The following LANCL3 variants were observed in gnomAD, a reference collection of about 807,000 sequenced individuals.
LANCL3 encodes the protein lanC-like protein 3.
Under a neutral mutation model 26.5 loss-of-function variants are expected in LANCL3, and 19 were observed. That is an observed-to-expected ratio of 0.72 (90% CI 0.50 to 1.05). The LOEUF is 1.05. LANCL3 is among the 50% of genes least tolerant of loss of function. LANCL3 has a pLI of 0.00. For missense variants in LANCL3, 318 were observed against 362.7 expected (o/e 0.88, Z 1.00); for synonymous variants, 160 against 166.6 (o/e 0.96, Z 0.30).
At chrX:37,604,658 G>A (rs1408567106) in intron 1 of LANCL3, among the ~76,000 whole-genome samples, 1 of 112,014 alleles carries the variant, frequency 8.9e-6, no homozygotes, top group Non-Finnish European at 1.9e-5. Context: ...ATTGACTGGT[G>A]TGACAGGGGT....
In LANCL3 at chrX:37,672,136, G is replaced by A. The variant is rs1926698123; in HGVS notation, c.1104-3518G>A. Among the ~76,000 whole-genome samples, 7 of 111,547 alleles carry A rather than the reference G, an allele frequency of 6.3e-5. No individual in the cohort carries two copies. The Admixed American group carries it at 6.7e-4, about 11-fold the overall frequency. ...TTAATTTTTTAAAATTTGTGTAAATGTATGGGATTCAAGTTTAATTTTGTT... is the reference window on the plus strand; with the variant it reads ...TTAATTTTTTAAAATTTGTGTAAATATATGGGATTCAAGTTTAATTTTGTT... On this transcript the variant is annotated intron_variant, in intron 4 of 4. Transcript: ENST00000378619.
At chrX:37,609,772 T>C (rs1489490876) in intron 1 of LANCL3, among the ~76,000 whole-genome samples, 2 of 111,604 alleles carry the variant, frequency 1.8e-5, no homozygotes, top group African/African-American at 6.5e-5. Context: ...TGAAAGCTCT[T>C]GCAGTTGGTG....
intron 4 of LANCL3, 129 bp downstream of exon 4, chrX:37,667,618 C>A: frequency 4.6e-6 from 2 of 431,806 alleles, no homozygotes. Context: ...TGTAGCCATG[C>A]AGTTGACTTC....
At position 37,675,900 on chromosome X, in the gene LANCL3, C is replaced by A; in HGVS notation, c.*87C>A. The A allele has an allele frequency of 1.4e-6, 1 of 717,398 alleles. No homozygotes were observed. The highest frequency in any genetic ancestry group is 1.9e-6 in the Non-Finnish European group (1 of 528,050). 59.1% of individuals were successfully genotyped at this position (717,398 alleles called of 1,213,427 possible). A position where few individuals can be genotyped will look rare whatever the true frequency, so the allele number is the denominator to read the frequency against. Reference sequence around the variant, plus strand: ...ACATAAGCCACATTCAATGGTATCGCAACCATGAGCCTTAACATTGCCATC... The same window carrying A: ...ACATAAGCCACATTCAATGGTATCGAAACCATGAGCCTTAACATTGCCATC... On this transcript the variant is annotated 3_prime_UTR_variant, in exon 5 of 5. Coordinates refer to ENST00000378619, the MANE Select transcript of LANCL3 (RefSeq NM_001170331.2).
At chrX:37,675,585 A>T (rs1926778585) in intron 4 of LANCL3, 69 bp from the exon 5 acceptor site, 1 of 583,727 alleles carries the variant, frequency 1.7e-6, no homozygotes, top group African/African-American at 2.3e-5. Flanking sequence ...TAGAAGAGGA[A>T]GAAGCAACCC....
intron 3 of LANCL3, among the ~76,000 whole-genome samples, chrX:37,663,730 C>G (rs1007882541): frequency 7.2e-5 from 8 of 111,202 alleles, no homozygotes; most frequent in African/African-American, 2.6e-4. Context: ...ACACCTAGAG[C>G]CTGAGAGAGG....
chrX:37,676,329 T>C lies in LANCL3; in HGVS notation c.*516T>C, dbSNP rs1194168143. 1.8e-5 allele frequency: 2 copies of C among 112,348 alleles called. No homozygotes were observed. The highest frequency in any genetic ancestry group is 9.5e-5 in the Admixed American group (1 of 10,579). The allele number at this position is 112,348 out of a possible 1,213,427, so 9.3% of individuals were successfully genotyped here. The stretch of plus-strand genomic sequence containing the variant: ...CTTGGTTGTCCTGTGCTTATACTTA[T>C]TGAAATTTATGGTTTTTACTGAGCA... On this transcript the variant is annotated 3_prime_UTR_variant, in exon 5 of 5. Coordinates refer to ENST00000378619, the MANE Select transcript of LANCL3 (RefSeq NM_001170331.2).
chrX:37,592,908 A>G (rs1556419154), intron 1 of LANCL3, among the ~76,000 whole-genome samples: 1 of 111,791 alleles, frequency 8.9e-6, no homozygotes, highest in African/African-American at 3.3e-5. Flanking sequence ...GTCTCTAAAA[A>G]TTTCCAAAAA....
At chrX:37,591,011 C>A (rs1924256450) in intron 1 of LANCL3, among the ~76,000 whole-genome samples, 1 of 111,879 alleles carries the variant, frequency 8.9e-6, no homozygotes, top group Admixed American at 9.5e-5. Flanking sequence ...TAGGTGAGGG[C>A]ATATGGCAGC....
At chrX:37,612,549 C>T (rs1309459161) in intron 1 of LANCL3, among the ~76,000 whole-genome samples, 2 of 112,470 alleles carry the variant, frequency 1.8e-5, no homozygotes, top group African/African-American at 6.5e-5. Flanking sequence ...AAAGTTAACA[C>T]TTGATGTATT....
At chrX:37,618,245 G>T (rs1925061969) in intron 1 of LANCL3, among the ~76,000 whole-genome samples, 1 of 112,278 alleles carries the variant, frequency 8.9e-6, no homozygotes, top group Admixed American at 9.4e-5. Context: ...CGTTTTTGTG[G>T]TGTTGCTTTT....
At chrX:37,603,789 C>T (rs1273020285) in intron 1 of LANCL3, among the ~76,000 whole-genome samples, 1 of 111,729 alleles carries the variant, frequency 9.0e-6, no homozygotes, top group Non-Finnish European at 1.9e-5. Flanking sequence ...AAAAAGGTGG[C>T]GGGGATAGGG....
Position 37,675,909 on chromosome X carries a change from G to A in LANCL3, c.*96G>A. The A allele has an allele frequency of 1.5e-6, 1 of 656,055 alleles. No homozygotes were observed. The highest frequency in any genetic ancestry group is 2.1e-6 in the Non-Finnish European group (1 of 477,026). The allele number at this position is 656,055 out of a possible 1,213,427, so 54.1% of individuals were successfully genotyped here. On this transcript the variant is annotated 3_prime_UTR_variant, in exon 5 of 5. Coordinates refer to ENST00000378619, the MANE Select transcript of LANCL3 (RefSeq NM_001170331.2). ...ACATTCAATGGTATCGCAACCATGAGCCTTAACATTGCCATCAGAAGGAAG... is the reference window on the plus strand; with the variant it reads ...ACATTCAATGGTATCGCAACCATGAACCTTAACATTGCCATCAGAAGGAAG...
chrX:37,666,423 A>T (rs1337245758), intron 3 of LANCL3, among the ~76,000 whole-genome samples: 2 of 112,090 alleles, frequency 1.8e-5, no homozygotes, highest in Non-Finnish European at 3.8e-5. Context: ...AGAGTTGTAA[A>T]ATAGCCTAGT....
At chrX:37,582,088 A>G (rs1373846649) in intron 1 of LANCL3, among the ~76,000 whole-genome samples, 1 of 111,575 alleles carries the variant, frequency 9.0e-6, no homozygotes, top group Non-Finnish European at 1.9e-5. Context: ...AGCTTCATCC[A>G]TGTCCCTACA....
At chrX:37,643,612 G>T (rs1925921748) in intron 1 of LANCL3, among the ~76,000 whole-genome samples, 2 of 112,224 alleles carry the variant, frequency 1.8e-5, no homozygotes, top group Non-Finnish European at 3.8e-5. Context: ...GACAGAGAAG[G>T]CTGCAAGTGT....
chrX:37,600,868 C>T (rs782723764), intron 1 of LANCL3, among the ~76,000 whole-genome samples: 2 of 111,651 alleles, frequency 1.8e-5, no homozygotes, highest in Non-Finnish European at 3.8e-5. Flanking sequence ...GCCTGTCTGA[C>T]AAACTAGCAA....
intron 1 of LANCL3, among the ~76,000 whole-genome samples, chrX:37,654,450 A>G (rs1926233225): frequency 8.9e-6 from 1 of 112,126 alleles, no homozygotes. Context: ...CTAAACTTAG[A>G]TGTTTTTTAG....
intron 1 of LANCL3, among the ~76,000 whole-genome samples, chrX:37,583,031 A>T (rs1338942277): frequency 9.8e-5 from 11 of 112,087 alleles, no homozygotes; most frequent in African/African-American, 3.3e-4. Context: ...ACCTTTCTAC[A>T]TATGGCTAGC....
Sources: gnomAD v4.1 joint callset for allele counts (sites outside exome capture counted in the v4.1 genomes callset) on GRCh38, gnomAD v4.1.1 for gene constraint, MANE v1.5 for transcripts, NCBI Gene and HGNC (gene_info 2026-07-23, HGNC 2026-07-21) for gene names.